The following TRIM14 variants were observed in gnomAD, a reference collection of about 807,000 sequenced individuals.
TRIM14 encodes the protein tripartite motif-containing protein 14.
A neutral mutation model predicts 44.5 loss-of-function variants in TRIM14; 28 were observed. The observed-to-expected ratio is 0.63, with a 90% CI of 0.47 to 0.86. TRIM14 has a LOEUF of 0.86. Ranked by LOEUF, TRIM14 falls within the 40% of genes least tolerant of loss-of-function variation. The pLI, the probability that TRIM14 is intolerant of heterozygous loss-of-function variation, is 0.00. For synonymous variants in TRIM14, 299 were observed against 269.2 expected, an observed-to-expected ratio of 1.11 and a Z score of -1.08; for missense variants, 607 against 611.1, an observed-to-expected ratio of 0.99 and a Z score of 0.07.
intron 5 of TRIM14, among the ~76,000 whole-genome samples, chr9:98,088,456 G>T (rs569871632): frequency 6.6e-6 from 1 of 152,192 alleles, no homozygotes; most frequent in South Asian, 2.1e-4. Flanking sequence ...CCAGGTTCAG[G>T]CCATTCTCCT....
the TRIM14 span, among the ~76,000 whole-genome samples, chr9:98,052,935 G>T: frequency 2.0e-5 from 3 of 152,296 alleles, no homozygotes; most frequent in African/African-American, 7.2e-5. Flanking sequence ...GATGCATAAA[G>T]TGTCTTAAAG....
chr9:98,088,132 G>A, intron 5 of TRIM14, 127 bp from the exon 6 acceptor site: 1 of 1,105,868 alleles, frequency 9.0e-7, no homozygotes. Flanking sequence ...AGGAAGGGGT[G>A]ACAGACCCCT....
chr9:98,076,764 A>T lies in TRIM14; in HGVS notation c.*29-7077T>A, dbSNP rs575412655. On this transcript the variant is annotated intron_variant, in intron 6 of 6. Transcript: ENST00000375098. ...TGAATGTTTGCATTTGAATGAAATG[A>T]CTGAGAACAAATCTTTGCCTGCTTT... The T allele has an allele frequency of 6.9e-5, 43 of 621,330 alleles. No individual in the cohort carries two copies. The African/African-American group carries it at 7.4e-4, about 11-fold the overall frequency. The allele number at this position is 621,330 out of a possible 1,614,324, so 38.5% of individuals were successfully genotyped here.
At chr9:98,076,627 G>A (rs541914206) in intron 6 of TRIM14, 25 of 335,390 alleles carry the variant, frequency 7.5e-5, no homozygotes, top group Admixed American at 7.1e-4. Flanking sequence ...TGCCCGCCTC[G>A]GCCTCCCAAA....
chr9:98,111,297 G>A (rs1452096997), intron 1 of TRIM14, among the ~76,000 whole-genome samples: 2 of 152,180 alleles, frequency 1.3e-5, no homozygotes, highest in African/African-American at 4.8e-5. Context: ...CAAGAGCTGA[G>A]CATGGTGGCT....
At position 98,097,846 on chromosome 9, in the gene TRIM14, C is replaced by T. The variant is rs777682649; in HGVS notation, c.537+2085G>A. Among the ~76,000 whole-genome samples the T allele has an allele frequency of 3.6e-4, 55 of 152,314 alleles. 1 individual carries two copies. Among genetic ancestry groups the T allele is most frequent in the East Asian group, 5.8e-4 (3 of 5,194 alleles). ...CCTTTGTATTCCATAGCCTTAAAAACGACCATTATTTAAAAAGAGACAATT... is the reference window on the plus strand; with the variant it reads ...CCTTTGTATTCCATAGCCTTAAAAATGACCATTATTTAAAAAGAGACAATT... On this transcript the variant is annotated intron_variant, in intron 3 of 5. Transcript: ENST00000341469.
At chr9:98,056,784 A>G in the TRIM14 span, 12 of 1,594,368 alleles carry the variant, frequency 7.5e-6, no homozygotes, top group Non-Finnish European at 8.5e-6. Context: ...ACTGGTAGTG[A>G]GGCTTTGGAC....
Position 98,087,682 on chromosome 9 carries a change from C to G in TRIM14, c.1117G>C (p.Ala373Pro). ...CGGCTGCGCTGGCCGTCGTGGAAGGCCCAGTACTCAAGGTCGTAGCGCTTG... is the reference window on the plus strand; with the variant it reads ...CGGCTGCGCTGGCCGTCGTGGAAGGGCCAGTACTCAAGGTCGTAGCGCTTG... ...CLKRYDLEYW[A>P]FHDGQRSRLR... Residue 373 changes from alanine to proline, a missense_variant, in exon 6 of 6, where the codon GCC (alanine) becomes CCC (proline). Physicochemically the swap from Ala to Pro is conservative, Grantham distance 27. Transcript: ENST00000341469. The G allele has an allele frequency of 6.2e-7, 1 of 1,601,884 alleles. No homozygotes were observed. The highest frequency in any genetic ancestry group is 2.2e-5 in the East Asian group (1 of 44,794).
the TRIM14 span, among the ~76,000 whole-genome samples, chr9:98,060,072 G>C: frequency 2.0e-5 from 3 of 152,102 alleles, no homozygotes; most frequent in Non-Finnish European, 2.9e-5. Flanking sequence ...CTAAGAGTTA[G>C]GGTCAAAGTT....
At chr9:98,057,610 A>G in the TRIM14 span, among the ~76,000 whole-genome samples, 4 of 152,254 alleles carry the variant, frequency 2.6e-5, no homozygotes, top group African/African-American at 4.8e-5. Context: ...AGATTCTCAG[A>G]TAGAGCTCTG....
chr9:98,095,158 A>G lies in TRIM14; in HGVS notation c.538-129T>C. The G allele has an allele frequency of 8.5e-7, 1 of 1,176,936 alleles. No homozygotes were observed. The highest frequency in any genetic ancestry group is 2.8e-5 in the Admixed American group (1 of 36,214). 72.9% of individuals were successfully genotyped at this position (1,176,936 alleles called of 1,614,324 possible). A position where few individuals can be genotyped will look rare whatever the true frequency, so the allele number is the denominator to read the frequency against. The stretch of plus-strand genomic sequence containing the variant: ...CCACGTTGGCCTGGCACCTATGGTC[A>G]GCCCAGGCCATGCCTGCAGGAGCAG... On this transcript the variant is annotated intron_variant, in intron 3 of 5. Coordinates refer to ENST00000341469, the MANE Select transcript of TRIM14 (RefSeq NM_014788.4). This position sits in a 1 kb window ranked among gnomAD's most constrained non-coding sequence, Gnocchi z 4.1.
At chr9:98,041,171 A>C in the TRIM14 span, among the ~76,000 whole-genome samples, 1 of 152,200 alleles carries the variant, frequency 6.6e-6, no homozygotes, top group East Asian at 1.9e-4. Context: ...GATGAGGAAT[A>C]AAATTCCCAG....
the TRIM14 span, chr9:98,060,952 C>T: frequency 3.8e-5 from 61 of 1,614,016 alleles, no homozygotes; most frequent in South Asian, 1.2e-4. Context: ...TGCAGAGGTA[C>T]GCCGAGGAGG....
chr9:98,094,748 C>T, intron 4 of TRIM14, 119 bp downstream of exon 4: 2 of 1,266,064 alleles, frequency 1.6e-6, no homozygotes, highest in South Asian at 1.4e-5. Flanking sequence ...CCCTGACCGC[C>T]CAGCCAAGGG....
chr9:98,077,052 A>G (rs764743370), intron 6 of TRIM14: 2 of 1,493,882 alleles, frequency 1.3e-6, no homozygotes, highest in East Asian at 2.3e-5. Context: ...AATCGAAGGG[A>G]GTCCAAACCT....
At chr9:98,107,201 G>C (rs563887600) in intron 2 of TRIM14, among the ~76,000 whole-genome samples, 8 of 152,256 alleles carry the variant, frequency 5.3e-5, no homozygotes, top group African/African-American at 1.7e-4. Context: ...ATGTAAAATG[G>C]CACAACCACT....
intron 1 of TRIM14, chr9:98,116,034 C>G (rs1827039480): frequency 6.6e-6 from 1 of 151,398 alleles, no homozygotes; most frequent in African/African-American, 2.4e-5. Flanking sequence ...AAATAAAATA[C>G]AATAAAAGGG....
intron 3 of TRIM14, among the ~76,000 whole-genome samples, chr9:98,096,326 G>A (rs908716385): frequency 6.6e-5 from 10 of 152,160 alleles, no homozygotes; most frequent in African/African-American, 4.8e-5. Flanking sequence ...CACCCAGAGC[G>A]CTGGAATGGA....
At chr9:98,111,109 G>T (rs922534562) in intron 1 of TRIM14, among the ~76,000 whole-genome samples, 4 of 151,762 alleles carry the variant, frequency 2.6e-5, no homozygotes, top group South Asian at 2.1e-4. Context: ...ACCAGCCAGA[G>T]AACTCTTCCA....
Sources: gnomAD v4.1 joint callset for allele counts (sites outside exome capture counted in the v4.1 genomes callset) on GRCh38, gnomAD v4.1.1 for gene constraint, Gnocchi (gnomAD v3.1) non-coding constraint, MANE v1.5 for transcripts, NCBI Gene and HGNC (gene_info 2026-07-23, HGNC 2026-07-21) for gene names.